Variants in CSMD1 observed in about 807,000 individuals in gnomAD.
CSMD1 encodes CUB and Sushi multiple domains 1, also known as CUB and sushi domain-containing protein 1.
In CSMD1, 213 loss-of-function variants were observed where a neutral mutation model predicts 417.5. That is an observed-to-expected ratio of 0.51 (90% CI 0.46 to 0.57). The LOEUF (loss-of-function observed/expected upper bound fraction) is 0.57, where lower values mean the gene tolerates loss of function less well. CSMD1 is among the 20% of genes least tolerant of loss of function. The pLI is 0.00. For missense variants in CSMD1, 6,923 were observed against 4,529.7 expected, an observed-to-expected ratio of 1.53 and a Z score of -15.17; for synonymous variants, 2,862 against 1,736.8, an observed-to-expected ratio of 1.65 and a Z score of -16.11.
At chr8:3,137,994 G>T (rs1163690328) in intron 41 of CSMD1, among the ~76,000 whole-genome samples, 1 of 152,230 alleles carries the variant, frequency 6.6e-6, no homozygotes, top group South Asian at 2.1e-4. Context: ...GGAGGATGAG[G>T]AGGGCAAATG....
intron 5 of CSMD1, among the ~76,000 whole-genome samples, chr8:3,756,018 A>C (rs999328762): frequency 5.3e-5 from 8 of 152,070 alleles, no homozygotes; most frequent in African/African-American, 1.9e-4. Context: ...AAAAACCCCC[A>C]GTCTGTGCCA....
chr8:4,873,982 C>T (rs1015485924), intron 1 of CSMD1, among the ~76,000 whole-genome samples: 3 of 152,014 alleles, frequency 2.0e-5, no homozygotes, highest in African/African-American at 4.8e-5. Context: ...CAATCTCATT[C>T]GGAGTAAATA....
At chr8:4,119,577 T>C (rs537790790) in intron 3 of CSMD1, among the ~76,000 whole-genome samples, 4 of 101,864 alleles carry the variant, frequency 3.9e-5, no homozygotes, top group East Asian at 6.2e-4. Context: ...CAGAGGATAA[T>C]AGTAGTGTTC....
intron 2 of CSMD1, among the ~76,000 whole-genome samples, chr8:4,491,929 G>A (rs550613234): frequency 6.6e-6 from 1 of 152,012 alleles, no homozygotes; most frequent in African/African-American, 2.4e-5. Context: ...AATATTTATA[G>A]CAGCTTTATT....
rs565961135 is a variant in CSMD1 at position 4,137,412 on chromosome 8, G to A, written c.416-105313C>T. Among the ~76,000 whole-genome samples the A allele has an allele frequency of 7.7e-5, 6 of 77,814 alleles. 1 individual carries two copies. The highest frequency in any genetic ancestry group is 1.5e-4 in the African/African-American group (5 of 33,944). The allele number at this position is 77,814 out of a possible 152,430, so 51.0% of individuals were successfully genotyped here. A position where few individuals can be genotyped will look rare whatever the true frequency, so the allele number is the denominator to read the frequency against. On this transcript the variant is annotated intron_variant, in intron 3 of 69. Transcript: ENST00000635120. ...TGAAGAACAGAAAACAAAAGTTATCGCTTGTGTTTAATAATGAAATTAAAT... is the reference window on the plus strand; with the variant it reads ...TGAAGAACAGAAAACAAAAGTTATCACTTGTGTTTAATAATGAAATTAAAT...
Position 3,939,196 on chromosome 8 carries a change from C to G in CSMD1, c.818+58707G>C, listed in dbSNP as rs547905896. The stretch of plus-strand genomic sequence containing the variant: ...TGAGTGACAGACTGTATAAGAGAAC[C>G]CAACACAAAAGTAATTCATCACGAA... On this transcript the variant is annotated intron_variant, in intron 5 of 69. Coordinates refer to ENST00000635120, the MANE Select transcript of CSMD1 (RefSeq NM_033225.6). Among the ~76,000 whole-genome samples, 4 of 152,060 alleles carry G rather than the reference C, an allele frequency of 2.6e-5. No individual in the cohort carries two copies. In the East Asian group the frequency reaches 7.7e-4, roughly 29 times the overall value.
At chr8:3,022,369 G>C (rs974036899) in intron 51 of CSMD1, among the ~76,000 whole-genome samples, 1 of 151,922 alleles carries the variant, frequency 6.6e-6, no homozygotes, top group Non-Finnish European at 1.5e-5. Context: ...ACAGCATCCG[G>C]AATGCACCCG....
chr8:4,304,160 G>C (rs970684405), intron 3 of CSMD1, among the ~76,000 whole-genome samples: 1 of 152,050 alleles, frequency 6.6e-6, no homozygotes, highest in African/African-American at 2.4e-5. Flanking sequence ...CAATTAGAAG[G>C]ACATAAACCA....
intron 10 of CSMD1, among the ~76,000 whole-genome samples, chr8:3,521,756 T>G (rs2117454342): frequency 6.6e-6 from 1 of 152,342 alleles, no homozygotes; most frequent in Non-Finnish European, 1.5e-5. Flanking sequence ...AATTCTCATT[T>G]ATTGTATTCC....
chr8:3,115,480 G>C (rs998238023), intron 42 of CSMD1, among the ~76,000 whole-genome samples: 3 of 152,074 alleles, frequency 2.0e-5, no homozygotes, highest in African/African-American at 4.8e-5. Context: ...GGGATTACAG[G>C]CGTGAGCCAC....
At chr8:3,078,285 C>A (rs946478823) in intron 49 of CSMD1, among the ~76,000 whole-genome samples, 1 of 152,132 alleles carries the variant, frequency 6.6e-6, no homozygotes, top group African/African-American at 2.4e-5. Context: ...TACAATACTG[C>A]TTTTATTATT....
intron 2 of CSMD1, among the ~76,000 whole-genome samples, chr8:4,536,919 G>T (rs1797131043): frequency 6.6e-6 from 1 of 152,152 alleles, no homozygotes; most frequent in Non-Finnish European, 1.5e-5. Context: ...GTAAAACTGT[G>T]TAAAAATGTA....
chr8:4,369,081 T>A (rs1398377391), intron 3 of CSMD1, among the ~76,000 whole-genome samples: 2 of 152,156 alleles, frequency 1.3e-5, no homozygotes, highest in African/African-American at 4.8e-5. Context: ...ATATAGACAT[T>A]AAGTGCTAAA....
intron 54 of CSMD1, among the ~76,000 whole-genome samples, chr8:2,990,901 C>A (rs772485609): frequency 9.9e-5 from 15 of 152,200 alleles, no homozygotes; most frequent in African/African-American, 3.4e-4. Context: ...GGCATCATCC[C>A]AGGGAAGCGC....
intron 5 of CSMD1, among the ~76,000 whole-genome samples, chr8:3,957,448 C>T (rs549664240): frequency 3.3e-5 from 5 of 152,150 alleles, no homozygotes; most frequent in African/African-American, 1.2e-4. Flanking sequence ...GAGGCCAAAG[C>T]AGGAGAAGCC....
intron 25 of CSMD1, among the ~76,000 whole-genome samples, chr8:3,307,006 T>C (rs565941254): frequency 1.4e-5 from 2 of 147,064 alleles, no homozygotes; most frequent in Non-Finnish European, 3.0e-5. Context: ...AGTACTTTCT[T>C]GGTCTACCTC....
intron 3 of CSMD1, among the ~76,000 whole-genome samples, chr8:4,230,033 CATA>C (rs1801616562): frequency 6.6e-6 from 1 of 152,170 alleles, no homozygotes; most frequent in Non-Finnish European, 1.5e-5. Context: ...ACATTTTAAA[CATA>C]AGAACATCTT....
chr8:4,188,668 G>C (rs1220382820), intron 3 of CSMD1, among the ~76,000 whole-genome samples: 1 of 151,980 alleles, frequency 6.6e-6, no homozygotes, highest in Non-Finnish European at 1.5e-5. Context: ...TCATAAAACA[G>C]TCTAGTCTTT....
rs558793409 is a variant in CSMD1, at chr8:3,625,685, A to G, written c.1010-8888T>C. On this transcript the variant is annotated intron_variant, in intron 7 of 69. Coordinates refer to ENST00000635120, the MANE Select transcript of CSMD1 (RefSeq NM_033225.6). The stretch of plus-strand genomic sequence containing the variant: ...ATAACTCTATTGTACATAAAAAATA[A>G]AACGATTTGGCATTCCTAAAATTCA... Among the ~76,000 whole-genome samples, 4 of 152,316 alleles carry G rather than the reference A, an allele frequency of 2.6e-5. No individual in the cohort carries two copies. In the South Asian group the frequency reaches 8.3e-4, roughly 32 times the overall value.
Sources: allele counts gnomAD v4.1 joint callset (sites outside exome capture counted in the v4.1 genomes callset), GRCh38; gene constraint gnomAD v4.1.1; transcripts MANE v1.5; gene names NCBI Gene and HGNC (gene_info 2026-07-23, HGNC 2026-07-21).